Variants in LARP1 observed in about 807,000 individuals in gnomAD.
LARP1 encodes the protein la-related protein 1.
In LARP1, 36 loss-of-function variants were observed where a neutral mutation model predicts 122.7. That is an observed-to-expected ratio of 0.29 (90% CI 0.22 to 0.39). The LOEUF (loss-of-function observed/expected upper bound fraction) is 0.39, where lower values mean the gene tolerates loss of function less well. Among genes scored for constraint, LARP1 ranks in the 10% least tolerant of loss-of-function variants. LARP1 has a pLI of 1.00. For synonymous variants in LARP1, 539 were observed against 528.7 expected (o/e 1.02, Z -0.27); for missense variants, 1,040 against 1,403.6 (o/e 0.74, Z 4.14).
intron 1 of LARP1, among the ~76,000 whole-genome samples, chr5:154,690,673 A>C (rs1034421236): frequency 6.6e-6 from 1 of 152,114 alleles, no homozygotes; most frequent in Non-Finnish European, 1.5e-5. Context: ...TTGTACCCCC[A>C]GCTGCGGAGA....
At chr5:154,773,472 G>T (rs1456555914) in intron 1 of LARP1, among the ~76,000 whole-genome samples, 1 of 152,174 alleles carries the variant, frequency 6.6e-6, no homozygotes, top group Non-Finnish European at 1.5e-5. Context: ...CAGGCACGCT[G>T]GGGTTGAGGC....
In LARP1 at chr5:154,802,010, T is replaced by C. The variant is rs777179327; in HGVS notation, c.1720T>C (p.Ser574Pro). ...CCCTTCGTCTGTCCTATTTTAGAAG[T>C]CAGAGGAGTCCAGATTTTCCCACCT... ...PRPSPARPKK[S>P]EESRFSHLTS... is the part of the protein sequence containing the mutation. Residue 574 changes from serine (S) to proline (P), a missense_variant, in exon 11 of 19, where the codon TCA (serine) becomes CCA (proline). Physicochemically the swap from Ser to Pro is moderately conservative, Grantham distance 74. Transcript: ENST00000518297. This position sits in a 1 kb window ranked among gnomAD's most constrained non-coding sequence, Gnocchi z 5.1. 18 of 1,610,514 alleles carry C rather than the reference T, an allele frequency of 1.1e-5. No individual in the cohort carries two copies. The South Asian group carries it at 1.9e-4, about 17-fold the overall frequency.
chr5:154,768,109 G>A (rs1157164488), intron 1 of LARP1, among the ~76,000 whole-genome samples: 3 of 152,148 alleles, frequency 2.0e-5, no homozygotes, highest in African/African-American at 7.2e-5. Context: ...AGAGATGAAG[G>A]GTTAGTAGGT....
chr5:154,694,476 C>T (rs892573918), intron 1 of LARP1, among the ~76,000 whole-genome samples: 4 of 151,962 alleles, frequency 2.6e-5, no homozygotes, highest in African/African-American at 9.7e-5. Flanking sequence ...CCCAGGCTGG[C>T]CTGGAACTCC....
intron 1 of LARP1, among the ~76,000 whole-genome samples, chr5:154,694,353 C>T (rs948702262): frequency 6.6e-6 from 1 of 152,116 alleles, no homozygotes; most frequent in Non-Finnish European, 1.5e-5. Flanking sequence ...AATTCCTAGA[C>T]TCAAGCCATC....
chr5:154,762,467 CTAATAG>C (rs1450551965), intron 1 of LARP1, among the ~76,000 whole-genome samples: 1 of 152,150 alleles, frequency 6.6e-6, no homozygotes, highest in Non-Finnish European at 1.5e-5. Context: ...CTTCACATGG[CTAATAG>C]CCTGGGATGT....
At chr5:154,766,046 T>C (rs1754924192) in intron 1 of LARP1, among the ~76,000 whole-genome samples, 1 of 152,034 alleles carries the variant, frequency 6.6e-6, no homozygotes, top group Admixed American at 6.6e-5. Flanking sequence ...CTTCTAGAAA[T>C]GGGAAGGATG....
chr5:154,813,766 G>C (rs910522352), intron 18 of LARP1, 121 bp from the exon 19 acceptor site: 1 of 826,486 alleles, frequency 1.2e-6, no homozygotes, highest in Non-Finnish European at 2.0e-6. Context: ...TTATTTTTAA[G>C]GTTAAACCCA....
At chr5:154,693,574 GACTGGGCGCGGTGGCTCA>G (rs1246515738) in intron 1 of LARP1, among the ~76,000 whole-genome samples, 1 of 152,032 alleles carries the variant, frequency 6.6e-6, no homozygotes, top group African/African-American at 2.4e-5. Context: ...TTCTTTTCTC[GACTGGGCGCGGTGGCTCA>G]CACCTGTAAT....
chr5:154,807,017 AC>A (rs1472006190), intron 15 of LARP1, among the ~76,000 whole-genome samples: 2 of 152,074 alleles, frequency 1.3e-5, no homozygotes. Context: ...GAAACTACTA[AC>A]CTACTTTCTG....
chr5:154,786,711 G>C (rs1365852422), intron 1 of LARP1: 1 of 251,904 alleles, frequency 4.0e-6, no homozygotes. Flanking sequence ...GGGCTCCATG[G>C]AATTTCTGGT....
chr5:154,685,028 A>G (rs2113171510), intron 1 of LARP1, among the ~76,000 whole-genome samples: 1 of 152,178 alleles, frequency 6.6e-6, no homozygotes, highest in South Asian at 2.1e-4. Flanking sequence ...GGCAGATCAC[A>G]AGGTCAGCAG....
At chr5:154,698,085 C>A (rs1234367609) in intron 1 of LARP1, among the ~76,000 whole-genome samples, 4 of 151,978 alleles carry the variant, frequency 2.6e-5, no homozygotes, top group Non-Finnish European at 4.4e-5. Context: ...TCATCTGAGC[C>A]TTTAGCAAGT....
At chr5:154,781,097 C>CTCAAAAAATAAAAAAA (rs1756386864) in intron 1 of LARP1, among the ~76,000 whole-genome samples, 1 of 151,934 alleles carries the variant, frequency 6.6e-6, no homozygotes, top group Non-Finnish European at 1.5e-5. Flanking sequence ...TTTGTGTTAC[C>CTCAAAAAATAAAAAAA]TGAGGTGGTG....
upstream of LARP1, among the ~76,000 whole-genome samples, chr5:154,710,791 C>T (rs1488450270): frequency 6.7e-6 from 1 of 148,196 alleles, no homozygotes; most frequent in East Asian, 2.0e-4. Context: ...AATACAAACA[C>T]AGGATTATGC....
intron 1 of LARP1, among the ~76,000 whole-genome samples, chr5:154,739,977 T>C (rs1170312586): frequency 1.3e-5 from 2 of 150,718 alleles, no homozygotes; most frequent in African/African-American, 4.9e-5. Flanking sequence ...GGCAGGAGGA[T>C]AGCCTGAGGC....
chr5:154,800,041 A>C lies in LARP1; in HGVS notation c.1715A>C (p.Lys572Thr), dbSNP rs1435475240. Reference sequence around the variant, plus strand: ...CCTCGGCCATCCCCAGCACGGCCCAAGGTGGGTGAGGCCTTGTCCCTTGCC... The same window carrying C: ...CCTCGGCCATCCCCAGCACGGCCCACGGTGGGTGAGGCCTTGTCCCTTGCC... Reference protein sequence around the residue: ...KRPRPSPARPKKSEESRFSHL... With the variant: ...KRPRPSPARPTKSEESRFSHL... Residue 572 changes from lysine (K) to threonine (T), a missense_variant and splice_region_variant, in exon 10 of 19, where the codon AAG becomes ACG. Lys to Thr is a moderately conservative substitution (Grantham distance 78). Around this residue, in one of 8 missense-constraint regions of LARP1, gnomAD observed 362 missense variants for 533.1 expected, o/e 0.68. Transcript: ENST00000518297. The C allele has an allele frequency of 1.2e-6, 2 of 1,612,894 alleles. No individual in the cohort carries two copies. Among genetic ancestry groups the C allele is most frequent in the Non-Finnish European group, 1.7e-6 (2 of 1,179,766 alleles).
chr5:154,780,761 C>G (rs1756356836), intron 1 of LARP1, among the ~76,000 whole-genome samples: 1 of 152,110 alleles, frequency 6.6e-6, no homozygotes, highest in Non-Finnish European at 1.5e-5. Context: ...ATTGGAAGGA[C>G]AATAAAAATG....
At chr5:154,683,763 A>G (rs1312228994) in intron 1 of LARP1, among the ~76,000 whole-genome samples, 1 of 152,168 alleles carries the variant, frequency 6.6e-6, no homozygotes, top group African/African-American at 2.4e-5. Context: ...AATCTTTTCT[A>G]CCAAACCATT....
Sources: gnomAD v4.1 joint callset for allele counts (sites outside exome capture counted in the v4.1 genomes callset) on GRCh38, gnomAD v4.1.1 for gene constraint, gnomAD v4.1.1 regional missense constraint, Gnocchi (gnomAD v3.1) non-coding constraint, MANE v1.5 for transcripts, NCBI Gene and HGNC (gene_info 2026-07-23, HGNC 2026-07-21) for gene names.